Variants in OCSTAMP observed in about 807,000 individuals in gnomAD.
OCSTAMP encodes osteoclast stimulatory transmembrane protein, also known as transmembrane protein C20orf123.
In OCSTAMP, 17 loss-of-function variants were observed where a neutral mutation model predicts 25.2. That is an observed-to-expected ratio of 0.68 (90% CI 0.46 to 1.01). The LOEUF is 1.01. OCSTAMP is among the 50% of genes least tolerant of loss of function. The pLI is 0.00. For synonymous variants in OCSTAMP, 345 were observed against 318.9 expected (o/e 1.08, Z -0.87); for missense variants, 664 against 694.6 (o/e 0.96, Z 0.50).
Position 46,545,621 on chromosome 20 carries a change from G to T in OCSTAMP, c.753C>A (p.Asp251Glu). Residue 251 changes from aspartate (D) to glutamate (E), a missense_variant, in exon 2 of 3, where the codon GAC becomes GAA. Transcript: ENST00000279028. ...TGGCGTAGATATTGTCAAACCGCAG[G>T]TCTGTCAGGTAGCAATGGAGGTACC... is the stretch of plus-strand genomic sequence containing the variant. ...SAWYLHCYLT[D>E]LRFDNIYATQ... is the part of the protein sequence containing the mutation. 1.9e-6 allele frequency: 3 copies of T among 1,551,734 alleles called. No individual in the cohort carries two copies. Among genetic ancestry groups the T allele is most frequent in the Non-Finnish European group, 2.6e-6 (3 of 1,147,006 alleles).
chr20:46,547,064 T>A lies in OCSTAMP; in HGVS notation c.45-735A>T, dbSNP rs1056503228. 3.3e-5 allele frequency among the ~76,000 whole-genome samples: 5 copies of A among 152,184 alleles called. No individual in the cohort carries two copies. In the East Asian group the frequency reaches 5.8e-4, roughly 18 times the overall value. On this transcript the variant is annotated intron_variant, in intron 1 of 2. Coordinates refer to ENST00000279028, the MANE Select transcript of OCSTAMP (RefSeq NM_080721.3). Reference sequence around the variant, plus strand: ...CAGAGTCAACAAGATTTGCAGAGGCTGATTGGTTGTGGGGTGTGAGAGAAA... The same window carrying A: ...CAGAGTCAACAAGATTTGCAGAGGCAGATTGGTTGTGGGGTGTGAGAGAAA...
chr20:46,548,457 G>GAAGCA (rs2061860215), intron 1 of OCSTAMP, among the ~76,000 whole-genome samples: 1 of 152,192 alleles, frequency 6.6e-6, no homozygotes, highest in Admixed American at 6.5e-5. Context: ...GTTTGCTCAG[G>GAAGCA]TTGGCAGGAA....
At chr20:46,542,747 AAAG>A (rs750382613) in intron 2 of OCSTAMP, among the ~76,000 whole-genome samples, 7 of 152,086 alleles carry the variant, frequency 4.6e-5, no homozygotes, top group Non-Finnish European at 1.0e-4. Flanking sequence ...GGCAGGGAAG[AAAG>A]AAGTTCACCA....
chr20:46,549,439 A>G (rs965547683), intron 1 of OCSTAMP, among the ~76,000 whole-genome samples: 2 of 152,238 alleles, frequency 1.3e-5, no homozygotes, highest in African/African-American at 4.8e-5. Context: ...TAAATAGACC[A>G]TTAGAGTTTA....
At chr20:46,544,699 C>A (rs1283792789) in intron 2 of OCSTAMP, among the ~76,000 whole-genome samples, 3 of 152,194 alleles carry the variant, frequency 2.0e-5, no homozygotes, top group African/African-American at 7.2e-5. Flanking sequence ...CATACAGTCT[C>A]TGTTGCAATT....
At position 46,541,183 on chromosome 20, in the gene OCSTAMP, A is replaced by T. The variant is rs903095150; in HGVS notation, c.*91T>A. 16 of 654,136 alleles carry T rather than the reference A, an allele frequency of 2.4e-5. No individual in the cohort carries two copies. Among genetic ancestry groups the T allele is most frequent in the Non-Finnish European group, 3.7e-5 (13 of 351,352 alleles). 40.5% of individuals were successfully genotyped at this position (654,136 alleles called of 1,614,324 possible). A position where few individuals can be genotyped will look rare whatever the true frequency, so the allele number is the denominator to read the frequency against. ...ATCTAACAAGTAGAGCAGTTGGTGC[A>T]GATGAGATGAGCCTGATCGCCAACC... On this transcript the variant is annotated 3_prime_UTR_variant, in exon 3 of 3. Transcript: ENST00000279028.
intron 2 of OCSTAMP, among the ~76,000 whole-genome samples, chr20:46,542,605 C>T (rs1271307483): frequency 7.0e-6 from 1 of 143,340 alleles, no homozygotes; most frequent in African/African-American, 2.9e-5. Flanking sequence ...AAGCCCAAAG[C>T]CACACATGGG....
intron 1 of OCSTAMP, among the ~76,000 whole-genome samples, chr20:46,546,765 T>C (rs769167584): frequency 6.6e-6 from 1 of 152,192 alleles, no homozygotes; most frequent in Non-Finnish European, 1.5e-5. Context: ...TGCTGTATGA[T>C]TCTGGACCTT....
At chr20:46,543,477 C>T (rs1415166182) in intron 2 of OCSTAMP, among the ~76,000 whole-genome samples, 2 of 151,478 alleles carry the variant, frequency 1.3e-5, no homozygotes, top group Non-Finnish European at 2.9e-5. Context: ...TACAGGCACA[C>T]ACCACCATGC....
At chr20:46,544,208 C>A (rs1449798734) in intron 2 of OCSTAMP, among the ~76,000 whole-genome samples, 4 of 152,096 alleles carry the variant, frequency 2.6e-5, no homozygotes, top group African/African-American at 9.7e-5. Context: ...GCATGGGCAA[C>A]AGAGTGAAAC....
intron 2 of OCSTAMP, among the ~76,000 whole-genome samples, chr20:46,544,697 C>T (rs1212824079): frequency 6.6e-6 from 1 of 152,198 alleles, no homozygotes; most frequent in African/African-American, 2.4e-5. Context: ...GACATACAGT[C>T]TCTGTTGCAA....
At chr20:46,546,476 C>G (rs756183140) in intron 1 of OCSTAMP, 147 bp from the exon 2 acceptor site, 3 of 667,980 alleles carry the variant, frequency 4.5e-6, no homozygotes, top group Non-Finnish European at 7.6e-6. Flanking sequence ...CAGAGTAAGT[C>G]ACTGTATACC....
At position 46,545,350 on chromosome 20, in the gene OCSTAMP, T is replaced by A. The variant is rs1033446292; in HGVS notation, c.1024A>T (p.Ile342Phe). The A allele has an allele frequency of 6.7e-7, 1 of 1,483,548 alleles. No homozygotes were observed. Among genetic ancestry groups the A allele is most frequent in the Admixed American group, 2.6e-5 (1 of 38,084 alleles). The allele number at this position is 1,483,548 out of a possible 1,614,324, so 91.9% of individuals were successfully genotyped here. A position where few individuals can be genotyped will look rare whatever the true frequency, so the allele number is the denominator to read the frequency against. The change falls in exon 2 of 3, where the codon ATC becomes TTC. Residue 342 changes from isoleucine to phenylalanine, a missense_variant. Coordinates refer to ENST00000279028, the MANE Select transcript of OCSTAMP (RefSeq NM_080721.3). ...ACATCATACTTGACCGTGAGCGTGA[T>A]GGGCACAGTTGGCAACTTCTGAGCC... ...DWAQKLPTVP[I>F]TLTVKYDVAY...
At chr20:46,545,175 A>T (rs536581410) in intron 2 of OCSTAMP, among the ~76,000 whole-genome samples, 152 bp downstream of exon 2, 1 of 152,172 alleles carries the variant, frequency 6.6e-6, no homozygotes. Context: ...GTATCCGATG[A>T]GTCCCTCTGC....
chr20:46,549,284 G>C (rs2061862815), intron 1 of OCSTAMP, among the ~76,000 whole-genome samples: 1 of 152,180 alleles, frequency 6.6e-6, no homozygotes, highest in African/African-American at 2.4e-5. Flanking sequence ...TGCACCACTT[G>C]TTACTCTGAT....
rs3092597 is a variant in OCSTAMP, at chr20:46,542,574, C to CAAAAAAAAAAAA, written c.1048-659_1048-648dup. Among the ~76,000 whole-genome samples, 914 of 100,304 alleles carry CAAAAAAAAAAAA rather than the reference C, an allele frequency of 9.1e-3. 46 individuals carry two copies. Among genetic ancestry groups the CAAAAAAAAAAAA allele is most frequent in the African/African-American group, 0.043 (858 of 19,964 alleles). 65.8% of individuals were successfully genotyped at this position (100,304 alleles called of 152,430 possible). The stretch of plus-strand genomic sequence containing the variant: ...TGGGCAACACAGCAAGACTCTGTCT[C>CAAAAAAAAAAAA]AAAAAAAAAAAAAAGATGGGAAGCC... On this transcript the variant is annotated intron_variant, in intron 2 of 2. Coordinates refer to ENST00000279028, the MANE Select transcript of OCSTAMP (RefSeq NM_080721.3).
intron 1 of OCSTAMP, among the ~76,000 whole-genome samples, chr20:46,549,158 A>G (rs1222441286): frequency 1.3e-5 from 2 of 152,208 alleles, no homozygotes; most frequent in African/African-American, 4.8e-5. Flanking sequence ...TTGCAACTCA[A>G]TGAGTCCTGA....
chr20:46,547,665 G>A (rs564197441), intron 1 of OCSTAMP, among the ~76,000 whole-genome samples: 15 of 152,260 alleles, frequency 9.9e-5, no homozygotes, highest in Admixed American at 5.9e-4. Flanking sequence ...GGGAGAGTTC[G>A]GTGGCTTTTG....
chr20:46,544,846 C>G (rs1296658214), intron 2 of OCSTAMP, among the ~76,000 whole-genome samples: 1 of 152,202 alleles, frequency 6.6e-6, no homozygotes, highest in Non-Finnish European at 1.5e-5. Context: ...GCCTCCTGAT[C>G]AAGGCCATTC....
Sources: allele counts gnomAD v4.1 joint callset (sites outside exome capture counted in the v4.1 genomes callset), GRCh38; gene constraint gnomAD v4.1.1; transcripts MANE v1.5; gene names NCBI Gene and HGNC (gene_info 2026-07-23, HGNC 2026-07-21).